Variants in KIFC3 observed in about 807,000 individuals in gnomAD.
KIFC3 encodes kinesin family member C3.
Under a neutral mutation model 101.8 loss-of-function variants are expected in KIFC3, and 60 were observed. The ratio of observed to expected loss-of-function variants is 0.59; its 90% CI spans 0.48 to 0.73. The LOEUF is 0.73. KIFC3 is among the 30% of genes least tolerant of loss of function. The pLI is 0.00. For missense variants in KIFC3, 966 were observed against 1,137.1 expected (o/e 0.85, Z 2.16); for synonymous variants, 476 against 482.7 (o/e 0.99, Z 0.18).
intron 1 of KIFC3, among the ~76,000 whole-genome samples, chr16:57,860,857 A>G (rs76660455): frequency 0.088 from 13,435 of 152,046 alleles, 713 homozygotes; most frequent in South Asian, 0.12. Context: ...AGCTAGAGGT[A>G]CATACCACCA....
Position 57,802,267 on chromosome 16 carries a change from G to GGGT in KIFC3, c.-40+100_-40+102dup, listed in dbSNP as rs1232201035. ...GCGCCCATAGCGGGTCCGGGCAGAGGGGTCCCGAGGGCAGGGCCGGCCCGG... is the reference window on the plus strand; with the variant it reads ...GCGCCCATAGCGGGTCCGGGCAGAGGGGTGGTCCCGAGGGCAGGGCCGGCCCGG... On this transcript the variant is annotated intron_variant, in intron 1 of 19. Transcript: ENST00000445690. This position sits in a 1 kb window ranked among gnomAD's most constrained non-coding sequence, Gnocchi z 5.0. The GGGT allele has an allele frequency of 1.6e-5, 9 of 566,448 alleles. No homozygotes were observed. The African/African-American group carries it at 1.8e-4, about 12-fold the overall frequency. 35.1% of individuals were successfully genotyped at this position (566,448 alleles called of 1,614,324 possible).
intron 1 of KIFC3, 175 bp from the exon 2 acceptor site, chr16:57,798,457 C>A: frequency 1.6e-6 from 1 of 628,800 alleles, no homozygotes; most frequent in Middle Eastern, 4.2e-4. Flanking sequence ...TGAAATGGGG[C>A]CTGCTGCCTT....
chr16:57,831,029 C>T (rs2149294416), intron 1 of KIFC3, among the ~76,000 whole-genome samples: 1 of 152,320 alleles, frequency 6.6e-6, no homozygotes, highest in South Asian at 2.1e-4. Context: ...GGAAATTCAT[C>T]AGCCCTGGTG....
At chr16:57,846,709 C>T (rs1345164864) in intron 1 of KIFC3, among the ~76,000 whole-genome samples, 3 of 152,314 alleles carry the variant, frequency 2.0e-5, no homozygotes, top group South Asian at 2.1e-4. Flanking sequence ...GATCCACTTT[C>T]GTTTCATTCT....
At chr16:57,761,936 C>G (rs1555598173) in intron 13 of KIFC3, among the ~76,000 whole-genome samples, 2 of 152,020 alleles carry the variant, frequency 1.3e-5, no homozygotes, top group Non-Finnish European at 2.9e-5. Context: ...CCTTGACGGC[C>G]TCATCTGGTC....
intron 1 of KIFC3, among the ~76,000 whole-genome samples, chr16:57,841,015 C>T (rs1163943576): frequency 2.0e-5 from 3 of 152,192 alleles, no homozygotes; most frequent in Non-Finnish European, 4.4e-5. Context: ...AACCCTGTCA[C>T]GTTCTGCAGT....
At chr16:57,852,657 T>C (rs2056081459) in intron 1 of KIFC3, among the ~76,000 whole-genome samples, 1 of 152,234 alleles carries the variant, frequency 6.6e-6, no homozygotes, top group African/African-American at 2.4e-5. Context: ...TGAATGCAAA[T>C]ATTCCGTCTT....
At chr16:57,778,938 T>TGATAAG (rs2052421558) in intron 3 of KIFC3, among the ~76,000 whole-genome samples, 1 of 152,134 alleles carries the variant, frequency 6.6e-6, no homozygotes, top group Non-Finnish European at 1.5e-5. Context: ...AAACAAGTGC[T>TGATAAG]GATAAGGATA....
intron 1 of KIFC3, among the ~76,000 whole-genome samples, chr16:57,859,780 G>C (rs1280614991): frequency 3.3e-5 from 5 of 151,946 alleles, no homozygotes; most frequent in Non-Finnish European, 7.4e-5. Flanking sequence ...CCAGCACTTC[G>C]GGAGGCTGAG....
At chr16:57,855,743 C>T (rs1489824284) in intron 1 of KIFC3, among the ~76,000 whole-genome samples, 2 of 151,730 alleles carry the variant, frequency 1.3e-5, no homozygotes, top group Admixed American at 6.6e-5. Context: ...GTCAGGAGTT[C>T]GAGACCAGCC....
At chr16:57,793,847 A>G (rs570786446) in intron 3 of KIFC3, among the ~76,000 whole-genome samples, 19 of 152,316 alleles carry the variant, frequency 1.2e-4, no homozygotes, top group Middle Eastern at 6.8e-3. Context: ...AAATCATATA[A>G]ATTTAATTAA....
intron 1 of KIFC3, among the ~76,000 whole-genome samples, chr16:57,823,804 T>TGTGTGTGTG (rs1568088575): frequency 2.9e-4 from 43 of 149,490 alleles, no homozygotes; most frequent in South Asian, 1.1e-3. Flanking sequence ...TGTGTGTGTG[T>TGTGTGTGTG]TTTTAGTAGA....
chr16:57,780,019 C>T (rs2052538691), intron 3 of KIFC3: 1 of 152,108 alleles, frequency 6.6e-6, no homozygotes, highest in African/African-American at 2.4e-5. Context: ...CATCAGACCT[C>T]ATGAGAACTC....
chr16:57,767,577 C>A (rs922473851), intron 9 of KIFC3, among the ~76,000 whole-genome samples: 45 of 152,190 alleles, frequency 3.0e-4, no homozygotes, highest in African/African-American at 1.1e-3. Flanking sequence ...TCCACAGATG[C>A]TCAAGCCCCT....
intron 3 of KIFC3, chr16:57,788,679 C>G: frequency 7.8e-7 from 1 of 1,289,646 alleles, no homozygotes; most frequent in Non-Finnish European, 1.0e-6. Flanking sequence ...CGTCCCCTGA[C>G]TCTGGCTCTT....
intron 3 of KIFC3, among the ~76,000 whole-genome samples, chr16:57,787,025 C>G (rs1463216645): frequency 6.6e-6 from 1 of 152,230 alleles, no homozygotes; most frequent in Non-Finnish European, 1.5e-5. Context: ...GGCTGTGTGG[C>G]CTGCACGTGA....
At position 57,813,869 on chromosome 16, in the gene KIFC3, C is replaced by G. The variant is rs1022131899; in HGVS notation, c.109-15587G>C. 1.1e-5 allele frequency: 11 copies of G among 985,382 alleles called. 1 individual carries two copies. Among genetic ancestry groups the G allele is most frequent in the Middle Eastern group, 5.2e-4 (1 of 1,914 alleles). The allele number at this position is 985,382 out of a possible 1,614,324, so 61.0% of individuals were successfully genotyped here. A position where few individuals can be genotyped will look rare whatever the true frequency, so the allele number is the denominator to read the frequency against. On this transcript the variant is annotated intron_variant, in intron 1 of 2. Transcript: ENST00000563028. ...CTCCTGGACATAAAAGCCATGCGGT[C>G]CCTGGTAGACAGGTAGGCAGAGGTG...
intron 3 of KIFC3, among the ~76,000 whole-genome samples, chr16:57,785,871 GC>G (rs1555617515): frequency 1.3e-5 from 2 of 152,128 alleles, no homozygotes; most frequent in African/African-American, 2.4e-5. Context: ...TCCCCAGGCA[GC>G]ATCTGGGGGA....
chr16:57,857,620 C>T (rs2056199534), intron 1 of KIFC3, among the ~76,000 whole-genome samples: 1 of 151,822 alleles, frequency 6.6e-6, no homozygotes, highest in Non-Finnish European at 1.5e-5. Context: ...TTGTTCAACT[C>T]CCACTTATGA....
Sources: gnomAD v4.1 joint callset for allele counts (sites outside exome capture counted in the v4.1 genomes callset) on GRCh38, gnomAD v4.1.1 for gene constraint, Gnocchi (gnomAD v3.1) non-coding constraint, MANE v1.5 for transcripts, NCBI Gene and HGNC (gene_info 2026-07-23, HGNC 2026-07-21) for gene names.